Variants in HEATR4 observed in about 807,000 individuals in gnomAD.
HEATR4 encodes HEAT repeat-containing protein 4.
HEATR4 carries 95 observed loss-of-function variants against 108.8 expected under a neutral mutation model. The observed-to-expected ratio is 0.87, with a 90% CI of 0.74 to 1.04. The LOEUF (loss-of-function observed/expected upper bound fraction) is 1.04. HEATR4 is among the 50% of genes least tolerant of loss of function. HEATR4 has a pLI of 0.00. For missense variants in HEATR4, 1,152 were observed against 1,253.8 expected (o/e 0.92, Z 1.23); for synonymous variants, 443 against 459.4 (o/e 0.96, Z 0.46).
At chr14:73,582,982 T>C in the HEATR4 span, 3 of 151,070 alleles carry the variant, frequency 2.0e-5, no homozygotes, top group South Asian at 6.2e-4. Flanking sequence ...CGAGCTGTCA[T>C]ATCAGCCACC....
At chr14:73,588,149 G>A in the HEATR4 span, among the ~76,000 whole-genome samples, 1 of 151,924 alleles carries the variant, frequency 6.6e-6, no homozygotes, top group African/African-American at 2.4e-5. Flanking sequence ...TTACAGGGCC[G>A]TACCACCACG....
the HEATR4 span, among the ~76,000 whole-genome samples, chr14:73,621,761 CTTTTTTTTTT>C: frequency 2.9e-4 from 32 of 109,544 alleles, no homozygotes; most frequent in Non-Finnish European, 4.6e-4. Flanking sequence ...TTCTTTCTTT[CTTTTTTTTTT>C]TTTTTTTTTT....
chr14:73,606,585 G>A, the HEATR4 span, among the ~76,000 whole-genome samples: 10 of 152,238 alleles, frequency 6.6e-5, 1 homozygote, highest in African/African-American at 2.2e-4. Context: ...AAGCAGGCAA[G>A]GTGAACCCAT....
At chr14:73,569,721 C>T in the HEATR4 span, 2 of 1,609,252 alleles carry the variant, frequency 1.2e-6, no homozygotes, top group South Asian at 1.1e-5. Flanking sequence ...GCGCGACGTG[C>T]GAACGCCCTT....
At position 73,508,276 on chromosome 14, in the gene HEATR4, C is replaced by G. The variant is rs764063608; in HGVS notation, c.1739G>C (p.Trp580Ser). The part of the protein sequence containing the change: ...ALLKGNSVDS[W>S]AAAQCLALEG... ...CAGAGCCAAGCACTGAGCTGCAGCC[C>G]AGCTATCCACACTGTTACCTGCCAC... Residue 580 changes from tryptophan to serine, a missense_variant, in exon 9 of 18, where the codon TGG becomes TCG. Coordinates refer to ENST00000553558, the MANE Select transcript of HEATR4 (RefSeq NM_001220484.1). 6.2e-7 allele frequency: 1 copy of G among 1,613,840 alleles called. No individual in the cohort carries two copies. Among genetic ancestry groups the G allele is most frequent in the Admixed American group, 1.7e-5 (1 of 59,990 alleles).
At chr14:73,603,636 A>G in the HEATR4 span, among the ~76,000 whole-genome samples, 11 of 152,220 alleles carry the variant, frequency 7.2e-5, no homozygotes, top group East Asian at 5.8e-4. Flanking sequence ...AATCTTTAAA[A>G]CTGCTTTTAT....
In HEATR4 at chr14:73,478,683, G is replaced by A. The variant is rs1332019797; in HGVS notation, c.3004C>T (p.Leu1002=). The A allele has an allele frequency of 1.2e-6, 2 of 1,613,910 alleles. No homozygotes were observed. Among genetic ancestry groups the A allele is most frequent in the Non-Finnish European group, 1.7e-6 (2 of 1,179,990 alleles). Residue 1002 remains leucine (L), a synonymous_variant, in exon 18 of 18, where the codon CTG becomes TTG. Coordinates refer to ENST00000553558, the MANE Select transcript of HEATR4 (RefSeq NM_001220484.1). ...AATGTTCTCTCTGAGAATTTACCCA[G>A]ATAAAGAGCTGGGTAGTCGGATCTA... The part of the protein sequence containing the change: ...PFRSDYPALY[L]GKFSERTFFS...
upstream of HEATR4, among the ~76,000 whole-genome samples, chr14:73,559,360 GTGTC>G (rs1322821650): frequency 2.0e-4 from 30 of 151,670 alleles, no homozygotes; most frequent in Middle Eastern, 6.8e-3. Context: ...CTCAAGTGAT[GTGTC>G]CGCCTTGGCC....
the HEATR4 span, among the ~76,000 whole-genome samples, chr14:73,610,367 T>G: frequency 6.9e-6 from 1 of 145,292 alleles, no homozygotes; most frequent in South Asian, 2.5e-4. Context: ...CTCGGCTCAC[T>G]GCAATCACCA....
chr14:73,618,104 T>C, the HEATR4 span, among the ~76,000 whole-genome samples: 8 of 152,024 alleles, frequency 5.3e-5, no homozygotes, highest in East Asian at 1.5e-3. Context: ...GATTACACCA[T>C]TGCACTCTAG....
At chr14:73,589,871 A>G in the HEATR4 span, among the ~76,000 whole-genome samples, 3,545 of 152,132 alleles carry the variant, frequency 0.023, 104 homozygotes, top group East Asian at 0.13. Context: ...GCTGGCTCAG[A>G]AGTGAAGCTG....
chr14:73,495,593 A>G (rs909912254), intron 15 of HEATR4, among the ~76,000 whole-genome samples: 1 of 152,052 alleles, frequency 6.6e-6, no homozygotes, highest in African/African-American at 2.4e-5. Context: ...TAGAAAATAA[A>G]GAAGTAACTA....
Position 73,492,475 on chromosome 14 carries a change from C to A in HEATR4, c.2844+591G>T. 1 of 1,613,638 alleles carries A rather than the reference C, an allele frequency of 6.2e-7. No homozygotes were observed. The highest frequency in any genetic ancestry group is 8.5e-7 in the Non-Finnish European group (1 of 1,179,784). ...TGGAGAAGGTGCGGGTCTTGGTTGC[C>A]CGCCTGGGACACTTTGCTCCTGTTG... On this transcript the variant is annotated intron_variant, in intron 17 of 17. Coordinates refer to ENST00000553558, the MANE Select transcript of HEATR4 (RefSeq NM_001220484.1). This position sits in a 1 kb window ranked among gnomAD's most constrained non-coding sequence, Gnocchi z 4.9.
intron 2 of HEATR4, among the ~76,000 whole-genome samples, chr14:73,524,310 A>AAAATATATATATAT: frequency 7.3e-5 from 4 of 54,776 alleles, no homozygotes; most frequent in South Asian, 7.9e-4. Flanking sequence ...AAAAAAAAAA[A>AAAATATATATATAT]ATATATATAT....
Position 73,506,962 on chromosome 14 carries a change from G to C in HEATR4, c.1882-391C>G, listed in dbSNP as rs1313877179. On this transcript the variant is annotated intron_variant, in intron 9 of 17. Transcript: ENST00000553558. ...ATTACAGGCGCCTGCCACCACGCCC[G>C]GTTAATTTTTGTATTTTTAGTAGAG... 2.0e-5 allele frequency among the ~76,000 whole-genome samples: 3 copies of C among 151,868 alleles called. No individual in the cohort carries two copies. The South Asian group carries it at 6.2e-4, about 32-fold the overall frequency.
At chr14:73,569,174 T>C in the HEATR4 span, 1 of 1,572,102 alleles carries the variant, frequency 6.4e-7, no homozygotes, top group Non-Finnish European at 8.7e-7. Context: ...ACTCTGGCCT[T>C]CCCCGCTCAC....
chr14:73,552,758 T>A (rs1265538250), intron 1 of HEATR4, among the ~76,000 whole-genome samples: 1 of 105,996 alleles, frequency 9.4e-6, no homozygotes, highest in African/African-American at 3.5e-5. Context: ...CCACAACACC[T>A]TGGGCCCTCC....
chr14:73,491,056 C>A lies in HEATR4; in HGVS notation c.2844+2010G>T, dbSNP rs764516535. 11 of 1,589,984 alleles carry A rather than the reference C, an allele frequency of 6.9e-6. No individual in the cohort carries two copies. In the South Asian group the frequency reaches 1.3e-4, roughly 18 times the overall value. On this transcript the variant is annotated intron_variant, in intron 17 of 17. Transcript: ENST00000553558. ...AGGCCAGTGCAGGGCCGTTGAGGCG[C>A]GGGCGGCCGAAGCGCCGGCGCAAGC...
chr14:73,572,301 A>G, the HEATR4 span, among the ~76,000 whole-genome samples: 49 of 151,442 alleles, frequency 3.2e-4, no homozygotes, highest in South Asian at 9.5e-3. Context: ...TGATTGAACT[A>G]CAGCTACAAG....
Sources: gnomAD v4.1 joint callset for allele counts (sites outside exome capture counted in the v4.1 genomes callset) on GRCh38, gnomAD v4.1.1 for gene constraint, Gnocchi (gnomAD v3.1) non-coding constraint, MANE v1.5 for transcripts, NCBI Gene and HGNC (gene_info 2026-07-23, HGNC 2026-07-21) for gene names.